Variants in KCNIP4 observed in about 807,000 individuals in gnomAD.
KCNIP4 encodes the protein potassium voltage-gated channel interacting protein 4, also known as Kv channel-interacting protein 4.
A neutral mutation model predicts 34.0 loss-of-function variants in KCNIP4; 12 were observed. That is an observed-to-expected ratio of 0.35 (90% CI 0.23 to 0.57). KCNIP4 has a LOEUF of 0.57. KCNIP4 is among the 20% of genes least tolerant of loss of function. The probability of loss-of-function intolerance (pLI) is 0.83; values close to 1 mark genes in which losing one functional copy is unlikely to be tolerated. For synonymous variants in KCNIP4, 124 were observed against 102.2 expected (o/e 1.21, Z -1.29); for missense variants, 238 against 311.7 (o/e 0.76, Z 1.78).
chr4:21,281,124 T>A (rs1762750188), intron 1 of KCNIP4, among the ~76,000 whole-genome samples: 1 of 150,736 alleles, frequency 6.6e-6, no homozygotes, highest in Admixed American at 6.6e-5. Flanking sequence ...TCTTGTTCTG[T>A]TCCCCAGGCA....
chr4:20,890,807 T>C (rs1281525093), intron 1 of KCNIP4, among the ~76,000 whole-genome samples: 1 of 152,178 alleles, frequency 6.6e-6, no homozygotes, highest in Non-Finnish European at 1.5e-5. Flanking sequence ...TTTTTACCAA[T>C]TGGAAAGGTT....
At chr4:21,043,302 G>A (rs1438290351) in intron 1 of KCNIP4, among the ~76,000 whole-genome samples, 2 of 152,148 alleles carry the variant, frequency 1.3e-5, no homozygotes, top group African/African-American at 4.8e-5. Flanking sequence ...TGCTTTTTAA[G>A]GTTATGTTTT....
chr4:21,890,045 T>C (rs1727004227), intron 1 of KCNIP4, among the ~76,000 whole-genome samples: 1 of 152,116 alleles, frequency 6.6e-6, no homozygotes, highest in South Asian at 2.1e-4. Context: ...GTCACATTGA[T>C]AGAGGCATTG....
At chr4:21,202,326 A>T (rs886396973) in intron 1 of KCNIP4, among the ~76,000 whole-genome samples, 3 of 152,194 alleles carry the variant, frequency 2.0e-5, no homozygotes, top group African/African-American at 7.2e-5. Context: ...ACTAATGCAG[A>T]AACAGAAAAC....
intron 1 of KCNIP4, among the ~76,000 whole-genome samples, chr4:20,967,081 G>A (rs931538690): frequency 4.6e-5 from 7 of 152,118 alleles, no homozygotes; most frequent in Admixed American, 4.6e-4. Context: ...CTAAGTTCTA[G>A]TATTAAGTCA....
At chr4:21,248,015 TGG>T (rs1760420638) in intron 1 of KCNIP4, among the ~76,000 whole-genome samples, 2 of 143,266 alleles carry the variant, frequency 1.4e-5, no homozygotes, top group African/African-American at 5.2e-5. Flanking sequence ...CCCCCACAGG[TGG>T]ATATATATAT....
intron 1 of KCNIP4, among the ~76,000 whole-genome samples, chr4:21,140,324 T>C (rs1190377498): frequency 2.6e-5 from 4 of 152,144 alleles, no homozygotes; most frequent in African/African-American, 7.2e-5. Context: ...AACAAAATTA[T>C]ATCATTCATG....
chr4:21,602,438 C>T (rs771344576), intron 1 of KCNIP4, among the ~76,000 whole-genome samples: 2 of 152,042 alleles, frequency 1.3e-5, no homozygotes, highest in Non-Finnish European at 2.9e-5. Flanking sequence ...CTGCCCATAC[C>T]AGAGTGTAGA....
chr4:21,131,225 C>T (rs533084573), intron 1 of KCNIP4, among the ~76,000 whole-genome samples: 2 of 152,242 alleles, frequency 1.3e-5, no homozygotes, highest in South Asian at 2.1e-4. Context: ...CATGTAGCAA[C>T]AAGAATCCTA....
chr4:21,015,493 A>C (rs1375649923), intron 1 of KCNIP4, among the ~76,000 whole-genome samples: 1 of 126,258 alleles, frequency 7.9e-6, no homozygotes, highest in Non-Finnish European at 1.6e-5. Context: ...TATATATAAC[A>C]CATTATAGAT....
chr4:20,863,772 AC>A (rs1457202938), intron 2 of KCNIP4, among the ~76,000 whole-genome samples: 5 of 152,102 alleles, frequency 3.3e-5, no homozygotes, highest in Admixed American at 3.3e-4. Context: ...TTTCGACCAG[AC>A]AAAATAATCT....
chr4:21,728,596 C>T (rs1375310744), intron 1 of KCNIP4, among the ~76,000 whole-genome samples: 1 of 152,162 alleles, frequency 6.6e-6, no homozygotes, highest in African/African-American at 2.4e-5. Flanking sequence ...CAATGACTAC[C>T]CATTCCATTT....
chr4:21,547,599 C>A (rs1255380024), intron 1 of KCNIP4, among the ~76,000 whole-genome samples: 2 of 151,938 alleles, frequency 1.3e-5, no homozygotes, highest in Non-Finnish European at 2.9e-5. Flanking sequence ...TTAAAGGGAC[C>A]ATATTACCCT....
In KCNIP4 at chr4:20,758,814, T is replaced by G. The variant is rs752943851; in HGVS notation, c.358+7A>C. 1.2e-6 allele frequency: 2 copies of G among 1,607,130 alleles called. No homozygotes were observed. Among genetic ancestry groups the G allele is most frequent in the South Asian group, 2.2e-5 (2 of 90,836 alleles). Reference sequence around the variant, plus strand: ...TAGTATGTTAACAAGTCCACATTTGTACTTACCTCCCTGTGGAAAGAACTG... The same window carrying G: ...TAGTATGTTAACAAGTCCACATTTGGACTTACCTCCCTGTGGAAAGAACTG... On this transcript the variant is annotated splice_region_variant and intron_variant, in intron 4 of 8. Transcript: ENST00000382152.
At chr4:21,574,315 A>T (rs1343576217) in intron 1 of KCNIP4, among the ~76,000 whole-genome samples, 3 of 152,012 alleles carry the variant, frequency 2.0e-5, no homozygotes, top group Non-Finnish European at 4.4e-5. Context: ...TCCAGGTGAA[A>T]CTGGCGTTTT....
intron 1 of KCNIP4, among the ~76,000 whole-genome samples, chr4:21,010,631 G>T (rs1345256512): frequency 1.3e-5 from 2 of 152,190 alleles, no homozygotes; most frequent in Non-Finnish European, 2.9e-5. Context: ...AACTGGGACA[G>T]ATAATAGACT....
intron 1 of KCNIP4, among the ~76,000 whole-genome samples, chr4:21,577,117 C>T (rs1009072311): frequency 2.0e-5 from 3 of 152,088 alleles, no homozygotes; most frequent in African/African-American, 7.2e-5. Context: ...ATTAAACCTA[C>T]CAAATCTATT....
intron 1 of KCNIP4, among the ~76,000 whole-genome samples, chr4:21,308,862 G>A (rs534991846): frequency 2.6e-5 from 4 of 152,086 alleles, no homozygotes; most frequent in South Asian, 4.2e-4. Context: ...TGTTTCAGGC[G>A]CCCCCATTTA....
intron 1 of KCNIP4, among the ~76,000 whole-genome samples, chr4:21,703,548 A>C (rs373346086): frequency 1.3e-5 from 2 of 152,278 alleles, no homozygotes; most frequent in African/African-American, 4.8e-5. Flanking sequence ...GGAATGTCAT[A>C]GGATACTAGC....
Sources: allele counts gnomAD v4.1 joint callset (sites outside exome capture counted in the v4.1 genomes callset), GRCh38; gene constraint gnomAD v4.1.1; transcripts MANE v1.5; gene names NCBI Gene and HGNC (gene_info 2026-07-23, HGNC 2026-07-21).